Variants in FBN2 observed in about 807,000 individuals in gnomAD.
FBN2 encodes the protein fibrillin 2.
FBN2 carries 105 observed loss-of-function variants against 355.6 expected under a neutral mutation model. The observed-to-expected ratio is 0.30, with a 90% CI of 0.25 to 0.35. The LOEUF (loss-of-function observed/expected upper bound fraction) is 0.35. Among genes scored for constraint, FBN2 ranks in the 10% least tolerant of loss-of-function variants. The pLI, the probability that FBN2 is intolerant of heterozygous loss-of-function variation, is 1.00. For synonymous variants in FBN2, 1,350 were observed against 1,301.2 expected, an observed-to-expected ratio of 1.04 and a Z score of -0.81; for missense variants, 3,280 against 3,758.7, an observed-to-expected ratio of 0.87 and a Z score of 3.33.
At chr5:128,444,352 G>T (rs369592784) in intron 7 of FBN2, among the ~76,000 whole-genome samples, 26 of 152,200 alleles carry the variant, frequency 1.7e-4, no homozygotes, top group African/African-American at 4.3e-4. Flanking sequence ...GATTACAGGC[G>T]TGAGCCACCG....
At chr5:128,447,088 A>T (rs1431507358) in intron 6 of FBN2, among the ~76,000 whole-genome samples, 1 of 152,138 alleles carries the variant, frequency 6.6e-6, no homozygotes, top group Non-Finnish European at 1.5e-5. Context: ...TAATCTCTTA[A>T]TCCTGTCATC....
intron 51 of FBN2, among the ~76,000 whole-genome samples, 200 bp from the exon 52 acceptor site, chr5:128,289,452 G>A (rs1451349121): frequency 1.3e-5 from 2 of 152,080 alleles, no homozygotes; most frequent in Non-Finnish European, 2.9e-5. Context: ...GCCAGGCATG[G>A]TGGCGCACAC....
chr5:128,506,863 G>C (rs560097389), intron 5 of FBN2, among the ~76,000 whole-genome samples: 189 of 152,160 alleles, frequency 1.2e-3, no homozygotes, highest in Non-Finnish European at 2.2e-3. Flanking sequence ...ATATTTAGAT[G>C]AACACTCTGA....
chr5:128,322,358 C>T (rs1581215033), intron 34 of FBN2, among the ~76,000 whole-genome samples: 1 of 152,072 alleles, frequency 6.6e-6, no homozygotes, highest in African/African-American at 2.4e-5. Flanking sequence ...AAGTCTTTGC[C>T]CATGCCTATG....
chr5:128,346,247 C>T (rs1039658311), intron 23 of FBN2, among the ~76,000 whole-genome samples: 1 of 152,078 alleles, frequency 6.6e-6, no homozygotes, highest in Non-Finnish European at 1.5e-5. Flanking sequence ...TAAACAGTCG[C>T]CTACATCTAA....
At chr5:128,408,197 G>A (rs551550914) in intron 8 of FBN2, among the ~76,000 whole-genome samples, 1 of 152,252 alleles carries the variant, frequency 6.6e-6, no homozygotes, top group East Asian at 1.9e-4. Context: ...CATGACTGTA[G>A]CACTATTGCA....
chr5:128,499,625 A>T (rs1204980620), intron 5 of FBN2, among the ~76,000 whole-genome samples: 1 of 152,198 alleles, frequency 6.6e-6, no homozygotes, highest in Non-Finnish European at 1.5e-5. Context: ...AATACTGTTG[A>T]CAAAAATACT....
chr5:128,467,008 T>C (rs974936348), intron 5 of FBN2, among the ~76,000 whole-genome samples: 1 of 152,192 alleles, frequency 6.6e-6, no homozygotes, highest in Admixed American at 6.5e-5. Context: ...AAAACACATA[T>C]TGTTTTTAGG....
chr5:128,489,297 C>T (rs1200091210), intron 5 of FBN2, among the ~76,000 whole-genome samples: 1 of 152,142 alleles, frequency 6.6e-6, no homozygotes, highest in African/African-American at 2.4e-5. Context: ...AAACTTGTTA[C>T]AAATTTAGTT....
At chr5:128,452,093 C>CA (rs1754265443) in intron 6 of FBN2, among the ~76,000 whole-genome samples, 1 of 151,614 alleles carries the variant, frequency 6.6e-6, no homozygotes, top group South Asian at 2.1e-4. Flanking sequence ...TAGAAATAAC[C>CA]AAAAAATAAC....
At chr5:128,287,673 C>A (rs1007658247) in intron 53 of FBN2, among the ~76,000 whole-genome samples, 2 of 152,108 alleles carry the variant, frequency 1.3e-5, no homozygotes, top group African/African-American at 4.8e-5. Flanking sequence ...GAGCAAACAA[C>A]CAGTAGGGAG....
At chr5:128,393,698 A>C (rs560449215) in intron 9 of FBN2, among the ~76,000 whole-genome samples, 1 of 152,382 alleles carries the variant, frequency 6.6e-6, no homozygotes, top group African/African-American at 2.4e-5. Flanking sequence ...TGTACAGATA[A>C]AAGTTAAAGC....
In FBN2 at chr5:128,399,474, C is replaced by T. The variant is rs1031064471; in HGVS notation, c.1079-4200G>A. Among the ~76,000 whole-genome samples, 3 of 151,996 alleles carry T rather than the reference C, an allele frequency of 2.0e-5. No individual in the cohort carries two copies. In the South Asian group the frequency reaches 6.2e-4, roughly 32 times the overall value. On this transcript the variant is annotated intron_variant, in intron 8 of 64. Transcript: ENST00000262464. ...AAGAAAACAAAACCAGAGTTTTCTA[C>T]CAAGAGTTTTTTTGATAAACAAAAT...
At chr5:128,348,067 G>A (rs780053839) in intron 23 of FBN2, among the ~76,000 whole-genome samples, 2 of 152,124 alleles carry the variant, frequency 1.3e-5, no homozygotes, top group Admixed American at 6.5e-5. Context: ...GATTACAGGC[G>A]TAAGCCACCA....
At chr5:128,311,152 T>G in intron 39 of FBN2, 148 bp downstream of exon 39, 1 of 738,910 alleles carries the variant, frequency 1.4e-6, no homozygotes, top group Non-Finnish European at 2.3e-6. Context: ...TCATACAACT[T>G]AGCTACATTG....
chr5:128,328,608 C>T, intron 34 of FBN2, 88 bp downstream of exon 34: 1 of 1,410,092 alleles, frequency 7.1e-7, no homozygotes, highest in South Asian at 1.2e-5. Context: ...TATTCTGCTT[C>T]CAGGTGGAGC....
intron 6 of FBN2, among the ~76,000 whole-genome samples, chr5:128,456,021 A>AAAAAAAAAAAAAAC (rs1182047917): frequency 6.7e-6 from 1 of 148,968 alleles, no homozygotes; most frequent in African/African-American, 2.5e-5. Context: ...AAAAAAAAAA[A>AAAAAAAAAAAAAAC]AAGCAACTGC....
chr5:128,261,926 G>A lies in FBN2; in HGVS notation c.8193-19C>T, dbSNP rs771472324. ...ACAGTGGCTATTTGCAAAAAGCAAA[G>A]TATTGTTAGACTTTATCACTGACTT... On this transcript the variant is annotated intron_variant, in intron 63 of 64. Coordinates refer to ENST00000262464, the MANE Select transcript of FBN2 (RefSeq NM_001999.4). 13 of 1,609,806 alleles carry A rather than the reference G, an allele frequency of 8.1e-6. No individual in the cohort carries two copies. The African/African-American group carries it at 1.6e-4, about 20-fold the overall frequency.
rs191729449 is a variant in FBN2 at position 128,280,324 on chromosome 5, A to G, written c.7013-7T>C. 41 of 1,602,742 alleles carry G rather than the reference A, an allele frequency of 2.6e-5. No individual in the cohort carries two copies. Among genetic ancestry groups the G allele is most frequent in the Non-Finnish European group, 3.4e-5 (40 of 1,170,502 alleles). ...GTCCTGCATTCATTTTCATCTTTAG[A>G]AAAACAAACAATATGAATAATGAGA... On this transcript the variant is annotated splice_region_variant and splice_polypyrimidine_tract_variant and intron_variant, in intron 55 of 64. Transcript: ENST00000262464.
Sources: gnomAD v4.1 joint callset for allele counts (sites outside exome capture counted in the v4.1 genomes callset) on GRCh38, gnomAD v4.1.1 for gene constraint, MANE v1.5 for transcripts, NCBI Gene and HGNC (gene_info 2026-07-23, HGNC 2026-07-21) for gene names.